CSNK2A2IP: variants seen among roughly 807,000 people sequenced by gnomAD.
CSNK2A2IP encodes casein kinase II subunit alpha'-interacting protein.
At chr3:88,376,265 A>T in the CSNK2A2IP span, among the ~76,000 whole-genome samples, 17 of 151,696 alleles carry the variant, frequency 1.1e-4, no homozygotes, top group Admixed American at 9.2e-4. Context: ...CATATTAATT[A>T]TTCAAATCAA....
chr3:88,355,804 T>A, the CSNK2A2IP span, among the ~76,000 whole-genome samples: 1 of 152,148 alleles, frequency 6.6e-6, no homozygotes, highest in Admixed American at 6.6e-5. Flanking sequence ...ACTAATGGTC[T>A]TGTGTGGGCA....
At chr3:88,465,736 G>C in the CSNK2A2IP span, 5 of 1,231,686 alleles carry the variant, frequency 4.1e-6, no homozygotes, top group Non-Finnish European at 5.1e-6. Context: ...GCACTCCAAA[G>C]CTCAAACAAC....
At chr3:88,436,997 A>T in the CSNK2A2IP span, among the ~76,000 whole-genome samples, 3 of 152,142 alleles carry the variant, frequency 2.0e-5, no homozygotes, top group Non-Finnish European at 2.9e-5. Flanking sequence ...TGACTAGGAA[A>T]AATTTATTCT....
the CSNK2A2IP span, among the ~76,000 whole-genome samples, chr3:88,339,761 T>G: frequency 6.6e-6 from 1 of 152,108 alleles, no homozygotes; most frequent in East Asian, 1.9e-4. Flanking sequence ...TGTAAATCTT[T>G]GAACATTGGC....
At chr3:88,450,057 C>G in the CSNK2A2IP span, among the ~76,000 whole-genome samples, 4 of 151,046 alleles carry the variant, frequency 2.6e-5, no homozygotes, top group Non-Finnish European at 5.9e-5. Flanking sequence ...TTTGTAGAGA[C>G]AGGGTTTCAT....
chr3:88,392,019 G>A, the CSNK2A2IP span, among the ~76,000 whole-genome samples: 1 of 152,120 alleles, frequency 6.6e-6, no homozygotes. Flanking sequence ...AAGAAAATAG[G>A]TAGAACCAAG....
the CSNK2A2IP span, among the ~76,000 whole-genome samples, chr3:88,369,849 G>A: frequency 6.6e-6 from 1 of 151,916 alleles, no homozygotes; most frequent in Non-Finnish European, 1.5e-5. Flanking sequence ...AAGAGCAACT[G>A]GAAGTTTACT....
chr3:88,386,716 T>A, the CSNK2A2IP span, among the ~76,000 whole-genome samples: 1 of 152,126 alleles, frequency 6.6e-6, no homozygotes, highest in Non-Finnish European at 1.5e-5. Context: ...AAGAAAAACA[T>A]GTGGTGGTTA....
At chr3:88,403,681 C>A in the CSNK2A2IP span, among the ~76,000 whole-genome samples, 1 of 152,008 alleles carries the variant, frequency 6.6e-6, no homozygotes, top group Non-Finnish European at 1.5e-5. Context: ...ATTTTAGCAA[C>A]CTATGATAAA....
the CSNK2A2IP span, among the ~76,000 whole-genome samples, chr3:88,384,308 GGACT>G: frequency 6.6e-6 from 1 of 151,658 alleles, no homozygotes; most frequent in African/African-American, 2.4e-5. Context: ...GGGTGGTAAG[GGACT>G]GACTGACTTT....
At chr3:88,427,383 CA>C in the CSNK2A2IP span, among the ~76,000 whole-genome samples, 4 of 152,134 alleles carry the variant, frequency 2.6e-5, no homozygotes, top group African/African-American at 9.7e-5. Flanking sequence ...AAGAAAAACC[CA>C]TTTTCTGAGG....
At chr3:88,429,753 T>C in the CSNK2A2IP span, among the ~76,000 whole-genome samples, 1 of 152,014 alleles carries the variant, frequency 6.6e-6, no homozygotes, top group Non-Finnish European at 1.5e-5. Flanking sequence ...TTGTTGTTGT[T>C]GTTTTGTTTT....
At chr3:88,437,483 T>G in the CSNK2A2IP span, among the ~76,000 whole-genome samples, 2 of 152,238 alleles carry the variant, frequency 1.3e-5, no homozygotes, top group Admixed American at 1.3e-4. Flanking sequence ...AATACCTTTA[T>G]TATGATTATA....
At chr3:88,355,818 G>A in the CSNK2A2IP span, among the ~76,000 whole-genome samples, 1 of 152,052 alleles carries the variant, frequency 6.6e-6, no homozygotes, top group Non-Finnish European at 1.5e-5. Flanking sequence ...GTGGGCAAAT[G>A]GTCTGTTTGC....
At chr3:88,388,972 A>G in the CSNK2A2IP span, among the ~76,000 whole-genome samples, 2 of 24,388 alleles carry the variant, frequency 8.2e-5, no homozygotes, top group Non-Finnish European at 6.0e-4. Flanking sequence ...AAATGAGGAT[A>G]TAACAATGAA....
At chr3:88,360,679 G>A in the CSNK2A2IP span, among the ~76,000 whole-genome samples, 1 of 152,032 alleles carries the variant, frequency 6.6e-6, no homozygotes, top group South Asian at 2.1e-4. Context: ...TATATTCAAT[G>A]TTATTAATAA....
At chr3:88,357,170 A>T in the CSNK2A2IP span, among the ~76,000 whole-genome samples, 33 of 152,210 alleles carry the variant, frequency 2.2e-4, no homozygotes, top group African/African-American at 7.2e-4. Context: ...AGGTTTTAAG[A>T]GAAATCTTTG....
At chr3:88,423,307 T>C in the CSNK2A2IP span, among the ~76,000 whole-genome samples, 1 of 152,196 alleles carries the variant, frequency 6.6e-6, no homozygotes, top group Non-Finnish European at 1.5e-5. Flanking sequence ...ACAGATAGAA[T>C]AGAGAAATTG....
chr3:88,445,933 C>CCTTT, the CSNK2A2IP span, among the ~76,000 whole-genome samples: 3 of 139,576 alleles, frequency 2.1e-5, no homozygotes, highest in Non-Finnish European at 3.1e-5. Flanking sequence ...TTTCTTTCTT[C>CCTTT]CTTTCTTTCT....
Sources: allele counts gnomAD v4.1 joint callset (sites outside exome capture counted in the v4.1 genomes callset), GRCh38; gene constraint gnomAD v4.1.1; transcripts MANE v1.5; gene names NCBI Gene and HGNC (gene_info 2026-07-23, HGNC 2026-07-21).